Variants in MAT2B observed in about 807,000 individuals in gnomAD.
The protein encoded by MAT2B is methionine adenosyltransferase 2 non-catalytic beta subunit, also known as methionine adenosyltransferase 2 subunit beta.
MAT2B carries 16 observed loss-of-function variants against 36.1 expected under a neutral mutation model. That is an observed-to-expected ratio of 0.44 (90% CI 0.30 to 0.67). The LOEUF (loss-of-function observed/expected upper bound fraction) is 0.67. MAT2B is among the 30% of genes least tolerant of loss of function. The pLI, the probability that MAT2B is intolerant of heterozygous loss-of-function variation, is 0.09. For synonymous variants in MAT2B, 148 were observed against 136.9 expected, an observed-to-expected ratio of 1.08 and a Z score of -0.57; for missense variants, 332 against 398.2, an observed-to-expected ratio of 0.83 and a Z score of 1.42.
At chr5:163,513,320 G>T in intron 2 of MAT2B, 1 of 371,548 alleles carries the variant, frequency 2.7e-6, no homozygotes, top group Non-Finnish European at 4.9e-6. Context: ...TTTTTTTCCT[G>T]GTTTGTGTCT....
chr5:163,509,417 A>G (rs1050127568), intron 1 of MAT2B, among the ~76,000 whole-genome samples: 1 of 152,200 alleles, frequency 6.6e-6, no homozygotes, highest in South Asian at 2.1e-4. Flanking sequence ...TCGAGAGTAC[A>G]CTGGTCCTCT....
chr5:163,511,969 T>A, intron 1 of MAT2B, 33 bp from the exon 2 acceptor site: 1 of 1,517,580 alleles, frequency 6.6e-7, no homozygotes, highest in Non-Finnish European at 9.1e-7. Flanking sequence ...TTTTCAAAGT[T>A]AGTAACTCTT....
chr5:163,517,533 A>G (rs1421620368), intron 5 of MAT2B, 28 bp from the exon 6 acceptor site: 5 of 1,369,792 alleles, frequency 3.7e-6, no homozygotes, highest in Middle Eastern at 1.8e-4. Flanking sequence ...AGTTGAAACT[A>G]TTGAATTTAT....
At chr5:163,512,762 C>G (rs531804111) in intron 2 of MAT2B, 1 of 432,846 alleles carries the variant, frequency 2.3e-6, no homozygotes, top group Non-Finnish European at 4.6e-6. Flanking sequence ...TCACTGCAGC[C>G]TCCGCCTCCC....
chr5:163,506,936 G>C (rs938060946), intron 1 of MAT2B, among the ~76,000 whole-genome samples: 1 of 152,162 alleles, frequency 6.6e-6, no homozygotes, highest in African/African-American at 2.4e-5. Context: ...ATGAGAACGA[G>C]AACTGTCTCA....
chr5:163,504,303 C>T (rs1242434767), upstream of MAT2B, among the ~76,000 whole-genome samples: 2 of 142,266 alleles, frequency 1.4e-5, no homozygotes, highest in African/African-American at 5.3e-5. Flanking sequence ...TAAAGCCAAA[C>T]TAATGAACAG....
At chr5:163,507,480 C>T (rs1451728624) in intron 1 of MAT2B, among the ~76,000 whole-genome samples, 4 of 152,136 alleles carry the variant, frequency 2.6e-5, no homozygotes, top group Non-Finnish European at 5.9e-5. Flanking sequence ...CAATAAGAGG[C>T]AGATACGTTT....
intron 2 of MAT2B, chr5:163,512,961 T>A (rs555817861): frequency 4.5e-6 from 1 of 222,866 alleles, no homozygotes; most frequent in South Asian, 5.1e-5. Context: ...GATTACAGAT[T>A]TGAGCCACCG....
intron 1 of MAT2B, among the ~76,000 whole-genome samples, chr5:163,511,508 C>T (rs1760044087): frequency 7.4e-6 from 1 of 134,240 alleles, no homozygotes; most frequent in South Asian, 2.3e-4. Flanking sequence ...GTCTCGAACT[C>T]CTGGGCTCAA....
chr5:163,514,145 T>C (rs1760094012), intron 4 of MAT2B, 151 bp downstream of exon 4: 1 of 572,018 alleles, frequency 1.7e-6, no homozygotes, highest in East Asian at 3.4e-5. Context: ...AATAAAAAAT[T>C]CTAAGAGATA....
chr5:163,509,430 G>A (rs929878657), intron 1 of MAT2B, among the ~76,000 whole-genome samples: 1 of 152,170 alleles, frequency 6.6e-6, no homozygotes, highest in Admixed American at 6.5e-5. Flanking sequence ...GGTCCTCTAA[G>A]TGCGGTCTCC....
At position 163,505,723 on chromosome 5, in the gene MAT2B, G is replaced by A; in HGVS notation, c.37G>A (p.Val13Ile). 1.6e-6 allele frequency: 2 copies of A among 1,284,880 alleles called. No individual in the cohort carries two copies. The highest frequency in any genetic ancestry group is 2.0e-6 in the Non-Finnish European group (2 of 1,008,154). 79.6% of individuals were successfully genotyped at this position (1,284,880 alleles called of 1,614,324 possible). A position where few individuals can be genotyped will look rare whatever the true frequency, so the allele number is the denominator to read the frequency against. The change falls in exon 1 of 7, where the codon GTT becomes ATT. Residue 13 changes from valine (V) to isoleucine (I), a missense_variant. Coordinates refer to ENST00000321757, the MANE Select transcript of MAT2B (RefSeq NM_013283.5). The part of the protein sequence containing the change: ...GREKELSIHF[V>I]PGSCRLVEEE... The stretch of plus-strand genomic sequence containing the variant: ...GGAGAAAGAGCTCTCTATACACTTT[G>A]TTCCCGGGAGCTGTCGGCTGGTGGA...
upstream of MAT2B, chr5:163,505,420 C>T: frequency 4.0e-6 from 3 of 750,756 alleles, no homozygotes; most frequent in Non-Finnish European, 5.4e-6. Context: ...GAATTCACTG[C>T]CTAAGGTCAG....
intron 1 of MAT2B, among the ~76,000 whole-genome samples, chr5:163,509,066 A>T (rs1340051941): frequency 6.6e-6 from 1 of 152,016 alleles, no homozygotes; most frequent in East Asian, 1.9e-4. Flanking sequence ...TACTGCATCA[A>T]CTCCAAGAAG....
At chr5:163,504,711 A>G (rs540416213), upstream of MAT2B, among the ~76,000 whole-genome samples, 1 of 152,234 alleles carries the variant, frequency 6.6e-6, no homozygotes, top group African/African-American at 2.4e-5. Flanking sequence ...CTGGCTGAGG[A>G]TTTTTTGCGG....
chr5:163,511,330 ATC>A (rs1421731965), intron 1 of MAT2B, among the ~76,000 whole-genome samples: 13 of 150,994 alleles, frequency 8.6e-5, no homozygotes, highest in African/African-American at 2.9e-4. Flanking sequence ...GCATGTCATG[ATC>A]TCTGCTTATT....
At chr5:163,512,290 G>A (rs2113556686) in intron 2 of MAT2B, 94 bp downstream of exon 2, 1 of 1,113,214 alleles carries the variant, frequency 9.0e-7, no homozygotes, top group Non-Finnish European at 1.4e-6. Flanking sequence ...AAATTACTAT[G>A]TTTGAAAGCT....
Position 163,518,376 on chromosome 5 carries a change from G to T in MAT2B, c.*13G>T, listed in dbSNP as rs1026958176. 2 of 1,574,694 alleles carry T rather than the reference G, an allele frequency of 1.3e-6. No individual in the cohort carries two copies. Among genetic ancestry groups the T allele is most frequent in the East Asian group, 2.3e-5 (1 of 44,300 alleles). On this transcript the variant is annotated 3_prime_UTR_variant, in exon 7 of 7. Coordinates refer to ENST00000321757, the MANE Select transcript of MAT2B (RefSeq NM_013283.5). ...GGTCTTTCATTAGTTTATTTGTGTT[G>T]GGTTCTTTTTTTTTTTTAAATGAAA...
At chr5:163,506,516 C>A (rs1016377252) in intron 1 of MAT2B, among the ~76,000 whole-genome samples, 1 of 152,132 alleles carries the variant, frequency 6.6e-6, no homozygotes, top group African/African-American at 2.4e-5. Flanking sequence ...ACATATCCAA[C>A]CCTGGGGATA....
Sources: gnomAD v4.1 joint callset for allele counts (sites outside exome capture counted in the v4.1 genomes callset) on GRCh38, gnomAD v4.1.1 for gene constraint, MANE v1.5 for transcripts, NCBI Gene and HGNC (gene_info 2026-07-23, HGNC 2026-07-21) for gene names.